The following CTNNA3 variants were observed in gnomAD, a reference collection of about 807,000 sequenced individuals.
The protein encoded by CTNNA3 is catenin alpha 3.
CTNNA3 carries 76 observed loss-of-function variants against 95.7 expected under a neutral mutation model. The observed-to-expected ratio is 0.79, with a 90% confidence interval of 0.66 to 0.96. The LOEUF is 0.96. Ranked by LOEUF, CTNNA3 falls within the 40% of genes least tolerant of loss-of-function variation. The pLI is 0.00. For synonymous variants in CTNNA3, 431 were observed against 374.4 expected (o/e 1.15, Z -1.74); for missense variants, 1,191 against 1,089.8 (o/e 1.09, Z -1.31).
At position 67,316,637 on chromosome 10, in the gene CTNNA3, T is replaced by C. The variant is rs16924368; in HGVS notation, c.580-96767A>G. The stretch of plus-strand genomic sequence containing the variant: ...CATCTAGCCATGACAGAGCCATTCA[T>C]TGCATCATTGGTTGAGATAATATAG... On this transcript the variant is annotated intron_variant, in intron 5 of 17. Coordinates refer to ENST00000433211, the MANE Select transcript of CTNNA3 (RefSeq NM_013266.4). Among the ~76,000 whole-genome samples the C allele has an allele frequency of 0.019, 2,857 of 152,280 alleles. 232 individuals are homozygous for C. The East Asian group carries it at 0.26, about 14-fold the overall frequency.
At chr10:66,898,159 T>C (rs1008453845) in intron 7 of CTNNA3, among the ~76,000 whole-genome samples, 1 of 152,186 alleles carries the variant, frequency 6.6e-6, no homozygotes, top group South Asian at 2.1e-4. Context: ...GCAGTCATAA[T>C]GACATTTAAA....
chr10:67,538,715 A>C (rs1840568178), intron 4 of CTNNA3, among the ~76,000 whole-genome samples: 1 of 152,226 alleles, frequency 6.6e-6, no homozygotes, highest in Non-Finnish European at 1.5e-5. Flanking sequence ...TAGAGTAGTT[A>C]TATTAAAATC....
chr10:66,861,971 T>C (rs1201287096), intron 7 of CTNNA3, among the ~76,000 whole-genome samples: 1 of 152,158 alleles, frequency 6.6e-6, no homozygotes, highest in African/African-American at 2.4e-5. Context: ...TCCCAGCACT[T>C]TGGGAGGCCA....
chr10:66,143,043 C>T (rs1417770326), intron 13 of CTNNA3, among the ~76,000 whole-genome samples: 1 of 151,878 alleles, frequency 6.6e-6, no homozygotes, highest in Non-Finnish European at 1.5e-5. Flanking sequence ...ATATACAATA[C>T]TTTATGTATT....
At position 66,439,944 on chromosome 10, in the gene CTNNA3, G is replaced by T. The variant is rs79983658; in HGVS notation, c.1532-60592C>A. On this transcript the variant is annotated intron_variant, in intron 11 of 17. Transcript: ENST00000433211. ...AATATTCTTCCCATTAAATCACAAA[G>T]CCTTTTTATTTCATTCCTATAAAAT... Among the ~76,000 whole-genome samples the T allele has an allele frequency of 2.8e-3, 430 of 152,150 alleles. 10 individuals are homozygous for T. In the East Asian group the frequency reaches 0.073, roughly 26 times the overall value.
At chr10:67,501,909 C>A (rs888745133) in intron 5 of CTNNA3, among the ~76,000 whole-genome samples, 13 of 152,254 alleles carry the variant, frequency 8.5e-5, no homozygotes, top group Middle Eastern at 3.4e-3. Flanking sequence ...TGGGTTAGAG[C>A]ATGCTCCTTG....
intron 10 of CTNNA3, among the ~76,000 whole-genome samples, chr10:66,564,888 C>T (rs1470055707): frequency 6.6e-6 from 1 of 152,116 alleles, no homozygotes; most frequent in Admixed American, 6.6e-5. Context: ...AGTTGCTCTT[C>T]AGTTAAGGCA....
chr10:66,640,562 T>C (rs1476075759), intron 9 of CTNNA3, among the ~76,000 whole-genome samples: 3 of 152,074 alleles, frequency 2.0e-5, no homozygotes, highest in Non-Finnish European at 4.4e-5. Context: ...TCTCTGAAGA[T>C]TACTCCCCAG....
intron 12 of CTNNA3, among the ~76,000 whole-genome samples, chr10:66,326,982 G>A (rs555569002): frequency 5.9e-5 from 9 of 152,178 alleles, no homozygotes; most frequent in African/African-American, 2.2e-4. Flanking sequence ...GAAAAGTTTA[G>A]TCAAACAGTT....
intron 7 of CTNNA3, among the ~76,000 whole-genome samples, chr10:67,073,840 A>G (rs1208905937): frequency 6.6e-6 from 1 of 152,206 alleles, no homozygotes; most frequent in Non-Finnish European, 1.5e-5. Context: ...TTGTTTCACA[A>G]TTACCTGAAT....
At chr10:66,451,267 T>C (rs758825098) in intron 11 of CTNNA3, among the ~76,000 whole-genome samples, 1 of 152,238 alleles carries the variant, frequency 6.6e-6, no homozygotes, top group Non-Finnish European at 1.5e-5. Flanking sequence ...ACAGTTACTA[T>C]GTGCAAGACA....
chr10:67,073,115 G>A (rs1439811020), intron 7 of CTNNA3, among the ~76,000 whole-genome samples: 1 of 152,118 alleles, frequency 6.6e-6, no homozygotes, highest in African/African-American at 2.4e-5. Context: ...TGCATGCCTT[G>A]GAATAATTTT....
intron 10 of CTNNA3, among the ~76,000 whole-genome samples, chr10:66,527,870 A>T (rs1271104788): frequency 6.6e-6 from 1 of 152,168 alleles, no homozygotes; most frequent in African/African-American, 2.4e-5. Context: ...GTATGTCATC[A>T]CTGAACAGTG....
intron 2 of CTNNA3, among the ~76,000 whole-genome samples, chr10:67,609,594 T>C (rs1564780927): frequency 6.6e-6 from 1 of 152,220 alleles, no homozygotes; most frequent in Non-Finnish European, 1.5e-5. Context: ...CAGAGTGGAA[T>C]GTCTTGTGGC....
rs367842278 is a variant in CTNNA3, at chr10:66,127,851, C to T, written c.1885-24602G>A. On this transcript the variant is annotated intron_variant, in intron 13 of 17. Coordinates refer to ENST00000433211, the MANE Select transcript of CTNNA3 (RefSeq NM_013266.4). ...CAGTACTTTGGGAGGCCGAGGCGGG[C>T]GAATCACGAGGTCAGGAGTTTGAGA... Among the ~76,000 whole-genome samples the T allele has an allele frequency of 9.2e-5, 14 of 152,114 alleles. No homozygotes were observed. In the East Asian group the frequency reaches 1.7e-3, roughly 19 times the overall value.
intron 13 of CTNNA3, among the ~76,000 whole-genome samples, chr10:66,217,901 G>T (rs1267886420): frequency 6.8e-6 from 1 of 147,698 alleles, no homozygotes; most frequent in Non-Finnish European, 1.5e-5. Flanking sequence ...CCAGACTGCG[G>T]GTACCAGATG....
chr10:66,073,611 A>G (rs1266879638), intron 14 of CTNNA3, among the ~76,000 whole-genome samples: 1 of 151,986 alleles, frequency 6.6e-6, no homozygotes, highest in Non-Finnish European at 1.5e-5. Context: ...TCTTTAGCCT[A>G]TTCTGTCAGT....
intron 7 of CTNNA3, among the ~76,000 whole-genome samples, chr10:67,095,461 C>A (rs1350504327): frequency 6.6e-6 from 1 of 151,744 alleles, no homozygotes; most frequent in Non-Finnish European, 1.5e-5. Context: ...TAAAACAGAT[C>A]ATCAGAGCTA....
intron 7 of CTNNA3, among the ~76,000 whole-genome samples, chr10:67,093,887 T>A (rs1270244461): frequency 6.6e-6 from 1 of 152,036 alleles, no homozygotes; most frequent in Non-Finnish European, 1.5e-5. Flanking sequence ...AACAACTGAC[T>A]ATAATTTGAA....
Sources: gnomAD v4.1 joint callset for allele counts (sites outside exome capture counted in the v4.1 genomes callset) on GRCh38, gnomAD v4.1.1 for gene constraint, MANE v1.5 for transcripts, NCBI Gene and HGNC (gene_info 2026-07-23, HGNC 2026-07-21) for gene names.